Variants in UBAP2 observed in about 807,000 individuals in gnomAD.
UBAP2 encodes the protein ubiquitin-associated protein 2.
A neutral mutation model predicts 139.6 loss-of-function variants in UBAP2; 75 were observed. The ratio of observed to expected loss-of-function variants is 0.54; its 90% CI spans 0.45 to 0.65. The LOEUF (loss-of-function observed/expected upper bound fraction) is 0.65, where lower values mean the gene tolerates loss of function less well. UBAP2 is among the 30% of genes least tolerant of loss of function. UBAP2 has a pLI of 0.00. For missense variants in UBAP2, 1,368 were observed against 1,369.6 expected (o/e 1.00, Z 0.02); for synonymous variants, 526 against 526.2 (o/e 1.00, Z 0.01).
rs1822900748 is a variant in UBAP2, at chr9:33,921,772, T to C, written c.*732A>G. ...AGTTGCCCACGTGGTTCAAGACAACTAGAATGGAGATGTGTTGCTTGGAGA... is the reference window on the plus strand; with the variant it reads ...AGTTGCCCACGTGGTTCAAGACAACCAGAATGGAGATGTGTTGCTTGGAGA... On this transcript the variant is annotated 3_prime_UTR_variant, in exon 29 of 29. Transcript: ENST00000379238. 6.6e-6 allele frequency: 1 copy of C among 152,486 alleles called. No homozygotes were observed. Among genetic ancestry groups the C allele is most frequent in the Non-Finnish European group, 1.5e-5 (1 of 68,034 alleles). The allele number at this position is 152,486 out of a possible 1,614,324, so 9.4% of individuals were successfully genotyped here. A position where few individuals can be genotyped will look rare whatever the true frequency, so the allele number is the denominator to read the frequency against.
In UBAP2 at chr9:33,923,387, T is replaced by C. The variant is rs746502470; in HGVS notation, c.2888A>G (p.Tyr963Cys). The change falls in exon 25 of 29, where the codon TAC becomes TGC. Residue 963 changes from tyrosine (Y) to cysteine (C), a missense_variant. Tyr to Cys is a radical substitution (Grantham distance 194). Transcript: ENST00000379238. Reference sequence around the variant, plus strand: ...TGGGAAGTACCCCTCACCTGTACTGTAGCCGTGCTGGCCATAACCACTGGC... The same window carrying C: ...TGGGAAGTACCCCTCACCTGTACTGCAGCCGTGCTGGCCATAACCACTGGC... ...QQASGYGQHG[Y>C]STGYDDLTQG... The C allele has an allele frequency of 1.9e-6, 3 of 1,614,208 alleles. No individual in the cohort carries two copies. Among genetic ancestry groups the C allele is most frequent in the Non-Finnish European group, 1.7e-6 (2 of 1,180,020 alleles).
chr9:33,941,112 A>G (rs189296725), intron 16 of UBAP2, among the ~76,000 whole-genome samples: 5 of 152,316 alleles, frequency 3.3e-5, no homozygotes, highest in Admixed American at 2.0e-4. Flanking sequence ...GTACATCTCA[A>G]CTTAACAGAA....
At chr9:34,013,013 G>C (rs149157462) in intron 2 of UBAP2, among the ~76,000 whole-genome samples, 2 of 151,324 alleles carry the variant, frequency 1.3e-5, no homozygotes, top group African/African-American at 4.9e-5. Flanking sequence ...AATTAGCCGG[G>C]TGTGGTGATG....
At chr9:34,048,373 G>T (rs1354186704) in intron 1 of UBAP2, among the ~76,000 whole-genome samples, 1 of 152,192 alleles carries the variant, frequency 6.6e-6, no homozygotes, top group Non-Finnish European at 1.5e-5. Context: ...GTTAGAGAGC[G>T]CATAAGTTGG....
At chr9:34,029,202 C>A (rs935948578) in intron 1 of UBAP2, among the ~76,000 whole-genome samples, 1 of 152,162 alleles carries the variant, frequency 6.6e-6, no homozygotes, top group African/African-American at 2.4e-5. Flanking sequence ...TGGGTATGCA[C>A]CCAAGAGAAC....
intron 2 of UBAP2, among the ~76,000 whole-genome samples, chr9:34,005,238 G>A (rs1587646777): frequency 1.3e-5 from 2 of 150,508 alleles, no homozygotes; most frequent in African/African-American, 4.9e-5. Context: ...ACTCCAGCCT[G>A]GGCAGCAGAG....
Position 33,996,226 on chromosome 9 carries a change from G to A in UBAP2, c.285C>T (p.Asp95=). 1 of 1,605,454 alleles carries A rather than the reference G, an allele frequency of 6.2e-7. No individual in the cohort carries two copies. Residue 95 remains aspartate (D), a synonymous_variant, in exon 4 of 29, where the codon GAC becomes GAT. Transcript: ENST00000379238. ...CAAATCAATTAATAATACTTACTGT[G>A]TCTGAATTCCCTTCCAGCAATATAT... The part of the protein sequence containing the change: ...AINILLEGNS[D]TTSWETVGCK...
At chr9:33,970,015 T>C (rs1481257927) in intron 8 of UBAP2, among the ~76,000 whole-genome samples, 1 of 137,358 alleles carries the variant, frequency 7.3e-6, no homozygotes, top group Non-Finnish European at 1.5e-5. Flanking sequence ...CTGCAACCTA[T>C]GCTTCCTAGG....
intron 1 of UBAP2, among the ~76,000 whole-genome samples, chr9:34,045,238 C>T (rs571080516): frequency 3.3e-5 from 5 of 150,896 alleles, no homozygotes; most frequent in Admixed American, 6.6e-5. Flanking sequence ...CCCAGGTACT[C>T]GGGAGGCTGA....
chr9:33,960,742 T>G, intron 10 of UBAP2, 84 bp downstream of exon 10: 1 of 1,380,256 alleles, frequency 7.2e-7, no homozygotes, highest in Non-Finnish European at 1.0e-6. Flanking sequence ...ATCACGCCAT[T>G]GCATTCCAGC....
intron 12 of UBAP2, chr9:33,952,812 A>G: frequency 6.5e-6 from 1 of 154,672 alleles, no homozygotes; most frequent in South Asian, 2.0e-4. Flanking sequence ...GAATCATCAG[A>G]TATGTGCTTG....
Position 33,923,899 on chromosome 9 carries a change from G to C in UBAP2, c.2692C>G (p.Gln898Glu). The C allele has an allele frequency of 6.2e-7, 1 of 1,614,178 alleles. No individual in the cohort carries two copies. The highest frequency in any genetic ancestry group is 1.1e-5 in the South Asian group (1 of 91,088). Residue 898 changes from glutamine to glutamate, a missense_variant, in exon 24 of 29, where the codon CAG becomes GAG. Gln to Glu is a conservative substitution (Grantham distance 29). Transcript: ENST00000379238. ...QSQSQTHHTA[Q>E]QPFVNPALPP... ...AGTGCAGGATTCACGAAGGGCTGCT[G>C]GGCTGTGTGGTGGGTCTGTGATTGG... is the stretch of plus-strand genomic sequence containing the variant.
intron 1 of UBAP2, among the ~76,000 whole-genome samples, chr9:34,041,252 A>C (rs2131371054): frequency 6.6e-6 from 1 of 151,546 alleles, no homozygotes; most frequent in East Asian, 1.9e-4. Flanking sequence ...CAGGAGTTCG[A>C]GACCAGCCTG....
intron 1 of UBAP2, among the ~76,000 whole-genome samples, chr9:34,037,205 G>A (rs935449739): frequency 6.6e-6 from 1 of 152,026 alleles, no homozygotes; most frequent in African/African-American, 2.4e-5. Context: ...AGCCAGGATG[G>A]TCTCGATCTC....
intron 2 of UBAP2, among the ~76,000 whole-genome samples, chr9:34,003,063 T>TC (rs1822860924): frequency 6.6e-6 from 1 of 151,700 alleles, no homozygotes. Context: ...TTCGTTGTTT[T>TC]TTTTTTTCTT....
intron 2 of UBAP2, among the ~76,000 whole-genome samples, chr9:34,012,002 A>T (rs1231662210): frequency 6.6e-6 from 1 of 152,228 alleles, no homozygotes; most frequent in African/African-American, 2.4e-5. Context: ...AAACATTAAC[A>T]GTCTACTAAG....
intron 1 of UBAP2, among the ~76,000 whole-genome samples, chr9:34,047,372 G>T (rs919193979): frequency 6.6e-6 from 1 of 152,172 alleles, no homozygotes; most frequent in South Asian, 2.1e-4. Context: ...CTCCACAGGT[G>T]AGTGTATTGA....
chr9:33,969,992 C>T (rs111572511), intron 8 of UBAP2, among the ~76,000 whole-genome samples: 17,041 of 127,758 alleles, frequency 0.13, 1,383 homozygotes, highest in African/African-American at 0.23. Flanking sequence ...TGCAGTGGCA[C>T]GATCTCAGCT....
chr9:33,983,634 C>A (rs2131120957), intron 6 of UBAP2, among the ~76,000 whole-genome samples: 1 of 152,218 alleles, frequency 6.6e-6, no homozygotes, highest in Non-Finnish European at 1.5e-5. Context: ...TCATTTTATT[C>A]TTTCTTTTTG....
Sources: allele counts gnomAD v4.1 joint callset (sites outside exome capture counted in the v4.1 genomes callset), GRCh38; gene constraint gnomAD v4.1.1; transcripts MANE v1.5; gene names NCBI Gene and HGNC (gene_info 2026-07-23, HGNC 2026-07-21).